Variants in CSMD3 observed in about 807,000 individuals in gnomAD.
CSMD3 encodes CUB and sushi domain-containing protein 3.
In CSMD3, 177 loss-of-function variants were observed where a neutral mutation model predicts 435.2. The observed-to-expected ratio is 0.41, with a 90% CI of 0.36 to 0.46. The LOEUF is 0.46. Ranked by LOEUF, CSMD3 falls within the 20% of genes least tolerant of loss-of-function variation. CSMD3 has a pLI of 0.34. For missense variants in CSMD3, 4,265 were observed against 4,504.6 expected (o/e 0.95, Z 1.52); for synonymous variants, 1,656 against 1,520.5 (o/e 1.09, Z -2.07).
intron 2 of CSMD3, among the ~76,000 whole-genome samples, chr8:113,299,273 A>G (rs1437993308): frequency 6.6e-6 from 1 of 152,186 alleles, no homozygotes; most frequent in African/African-American, 2.4e-5. Context: ...TGTAAATAAG[A>G]TAGTGTTAAT....
chr8:112,433,253 C>CCTATAGCAGG (rs11280682), intron 32 of CSMD3, among the ~76,000 whole-genome samples: 123,279 of 151,606 alleles, frequency 0.81, 50,700 homozygotes, highest in African/African-American at 0.93. Context: ...GCAGAAATAA[C>CCTATAGCAGG]AAAGAAATAA....
chr8:112,697,693 A>T (rs2076290513), intron 13 of CSMD3, among the ~76,000 whole-genome samples: 1 of 152,054 alleles, frequency 6.6e-6, no homozygotes, highest in African/African-American at 2.4e-5. Context: ...CATATGTAAC[A>T]AACGTTGTGC....
At chr8:112,714,128 A>T (rs1268026169) in intron 13 of CSMD3, among the ~76,000 whole-genome samples, 3 of 152,194 alleles carry the variant, frequency 2.0e-5, no homozygotes, top group African/African-American at 7.2e-5. Flanking sequence ...ACAGACTGGC[A>T]GATTGGATGA....
chr8:112,333,669 T>TACACACACACACAC (rs147365873), intron 45 of CSMD3, among the ~76,000 whole-genome samples: 41 of 147,936 alleles, frequency 2.8e-4, no homozygotes, highest in Non-Finnish European at 5.2e-4. Flanking sequence ...TTCTGTCTCA[T>TACACACACACACAC]ACACACACAC....
chr8:112,539,276 G>A (rs1826438104), intron 27 of CSMD3: 1 of 152,350 alleles, frequency 6.6e-6, no homozygotes, highest in African/African-American at 2.4e-5. Context: ...GGGTGATTCT[G>A]ATATCATTAG....
intron 59 of CSMD3, among the ~76,000 whole-genome samples, chr8:112,270,477 A>C (rs1817424046): frequency 7.1e-6 from 1 of 141,332 alleles, no homozygotes; most frequent in African/African-American, 2.5e-5. Flanking sequence ...AAAATTCTCA[A>C]AGGAAATTCT....
intron 13 of CSMD3, among the ~76,000 whole-genome samples, chr8:112,742,347 G>A (rs1991135): frequency 0.36 from 54,115 of 151,374 alleles, 10,461 homozygotes; most frequent in African/African-American, 0.51. Context: ...AGCAGAGAAA[G>A]AAAAAATCTT....
chr8:113,308,601 T>A (rs1423985539), intron 2 of CSMD3, among the ~76,000 whole-genome samples: 1 of 152,190 alleles, frequency 6.6e-6, no homozygotes, highest in Non-Finnish European at 1.5e-5. Context: ...AGTCATAAAA[T>A]CTGTAATGAA....
chr8:113,353,088 G>A (rs998342805), intron 1 of CSMD3, among the ~76,000 whole-genome samples: 1 of 152,140 alleles, frequency 6.6e-6, no homozygotes, highest in Non-Finnish European at 1.5e-5. Context: ...AGTGATGATG[G>A]AGGAATGACT....
At chr8:112,718,649 A>T (rs888552771) in intron 13 of CSMD3, among the ~76,000 whole-genome samples, 2 of 152,068 alleles carry the variant, frequency 1.3e-5, no homozygotes, top group Non-Finnish European at 2.9e-5. Context: ...CACCTTGAAT[A>T]TTCCTATTTA....
intron 10 of CSMD3, among the ~76,000 whole-genome samples, chr8:112,897,162 G>A (rs10505195): frequency 0.096 from 14,463 of 151,358 alleles, 1,342 homozygotes; most frequent in African/African-American, 0.24. Flanking sequence ...GCCAAACGCT[G>A]CTGCTCCTTA....
intron 13 of CSMD3, among the ~76,000 whole-genome samples, chr8:112,746,799 A>G (rs547868578): frequency 1.1e-4 from 17 of 152,274 alleles, no homozygotes; most frequent in African/African-American, 3.6e-4. Flanking sequence ...ATAATTCAAC[A>G]TGCTGTCCTA....
chr8:113,218,137 T>C (rs914435068), intron 3 of CSMD3, among the ~76,000 whole-genome samples: 1 of 150,024 alleles, frequency 6.7e-6, no homozygotes, highest in East Asian at 2.0e-4. Context: ...TTGGGGACGA[T>C]ATAAAGCATA....
chr8:113,264,063 A>C (rs1291195643), intron 3 of CSMD3, among the ~76,000 whole-genome samples: 1 of 151,346 alleles, frequency 6.6e-6, no homozygotes, highest in Non-Finnish European at 1.5e-5. Context: ...TTAATAAGGA[A>C]GAATTCATTT....
At chr8:112,355,858 A>T (rs574040143) in intron 38 of CSMD3, among the ~76,000 whole-genome samples, 266 of 152,176 alleles carry the variant, frequency 1.7e-3, no homozygotes, top group South Asian at 3.7e-3. Flanking sequence ...AAAAAATAAA[A>T]AAATAAAAAG....
intron 3 of CSMD3, among the ~76,000 whole-genome samples, chr8:113,213,920 C>A (rs549290914): frequency 6.6e-6 from 1 of 152,096 alleles, no homozygotes; most frequent in Admixed American, 6.6e-5. Flanking sequence ...ATAAACTAAT[C>A]TTTATTCAGC....
chr8:113,186,087 C>G (rs1194514246), intron 3 of CSMD3, among the ~76,000 whole-genome samples: 2 of 152,006 alleles, frequency 1.3e-5, no homozygotes. Context: ...ACCAAATTAG[C>G]CCTCAGGAGA....
intron 7 of CSMD3, among the ~76,000 whole-genome samples, chr8:112,966,613 A>T (rs1184197197): frequency 6.6e-6 from 1 of 151,772 alleles, no homozygotes; most frequent in East Asian, 1.9e-4. Context: ...GAAAAATAAC[A>T]ACCATTTTAA....
chr8:113,310,395 T>A (rs1053084202), intron 2 of CSMD3: 3 of 151,914 alleles, frequency 2.0e-5, no homozygotes, highest in African/African-American at 7.2e-5. Context: ...TCTTCACTTA[T>A]TTGTGCAGAA....
Sources: allele counts gnomAD v4.1 joint callset (sites outside exome capture counted in the v4.1 genomes callset), GRCh38; gene constraint gnomAD v4.1.1; transcripts MANE v1.5; gene names NCBI Gene and HGNC (gene_info 2026-07-23, HGNC 2026-07-21).